Variants in UST observed in about 807,000 individuals in gnomAD.
UST encodes chondroitin sulfate 2-O-sulfotransferase.
In UST, 21 loss-of-function variants were observed where a neutral mutation model predicts 45.6. That is an observed-to-expected ratio of 0.46 (90% confidence interval 0.33 to 0.66). The LOEUF (loss-of-function observed/expected upper bound fraction) is 0.66. Ranked by LOEUF, UST falls within the 30% of genes least tolerant of loss-of-function variation. The probability of loss-of-function intolerance (pLI) is 0.02; values close to 1 mark genes in which losing one functional copy is unlikely to be tolerated. For synonymous variants in UST, 215 were observed against 200.6 expected (o/e 1.07, Z -0.61); for missense variants, 463 against 512.4 (o/e 0.90, Z 0.93).
At chr6:149,042,955 TTTTCTTTC>T (rs1158496318) in intron 7 of UST, among the ~76,000 whole-genome samples, 6,105 of 108,882 alleles carry the variant, frequency 0.056, 199 homozygotes, top group East Asian at 0.12. Context: ...ATCACCATCC[TTTTCTTTC>T]TTTCTTTCTT....
At chr6:148,892,781 G>C (rs1480826306) in intron 2 of UST, among the ~76,000 whole-genome samples, 2 of 151,846 alleles carry the variant, frequency 1.3e-5, no homozygotes, top group African/African-American at 4.8e-5. Context: ...AACCTTATTT[G>C]GGAATAATTG....
intron 7 of UST, among the ~76,000 whole-genome samples, chr6:149,063,106 C>A (rs192616595): frequency 6.6e-6 from 1 of 152,338 alleles, no homozygotes; most frequent in Admixed American, 6.5e-5. Context: ...CGTAACTACT[C>A]TGTAGTGTCC....
intron 1 of UST, among the ~76,000 whole-genome samples, chr6:148,875,794 A>G (rs1194556013): frequency 2.6e-5 from 4 of 152,214 alleles, no homozygotes; most frequent in African/African-American, 9.6e-5. Context: ...ACACAGCAAG[A>G]CTCCGCCTCA....
At chr6:149,027,045 T>A (rs996547815) in intron 7 of UST, among the ~76,000 whole-genome samples, 3 of 152,038 alleles carry the variant, frequency 2.0e-5, no homozygotes, top group Non-Finnish European at 2.9e-5. Flanking sequence ...TTATAAACAA[T>A]CACAGAGTAC....
chr6:148,759,017 G>A (rs1776151175), intron 1 of UST, among the ~76,000 whole-genome samples: 1 of 152,208 alleles, frequency 6.6e-6, no homozygotes, highest in Non-Finnish European at 1.5e-5. Flanking sequence ...TGTGCAGGGT[G>A]ACCCGACAAT....
In UST at chr6:148,766,997, A is replaced by G. The variant is rs541612681; in HGVS notation, c.247+19320A>G. Among the ~76,000 whole-genome samples, 4 of 152,354 alleles carry G rather than the reference A, an allele frequency of 2.6e-5. No homozygotes were observed. In the South Asian group the frequency reaches 6.2e-4, roughly 24 times the overall value. ...TCTCTCAAACTTTAATGTGCATGCA[A>G]ATCACTCGAGGATTTGTTAAGCTAT... On this transcript the variant is annotated intron_variant, in intron 1 of 7. Transcript: ENST00000367463.
chr6:148,902,815 T>C lies in UST; in HGVS notation c.291+15786T>C, dbSNP rs1377734250. On this transcript the variant is annotated intron_variant, in intron 2 of 7. Coordinates refer to ENST00000367463, the MANE Select transcript of UST (RefSeq NM_005715.3). ...TCTTTGTCTTTTTTGCTCTACTGTC[T>C]AGAAGAGTTTTGAAACTGTCTTCCA... 2.0e-5 allele frequency among the ~76,000 whole-genome samples: 3 copies of C among 152,178 alleles called. No individual in the cohort carries two copies. The East Asian group carries it at 5.8e-4, about 29-fold the overall frequency.
At chr6:148,933,126 C>A (rs191754882) in intron 2 of UST, among the ~76,000 whole-genome samples, 1 of 152,098 alleles carries the variant, frequency 6.6e-6, no homozygotes, top group African/African-American at 2.4e-5. Context: ...TCTTCTGTAA[C>A]GTAGCAAATC....
At chr6:149,005,155 A>C in intron 5 of UST, 1 of 252,984 alleles carries the variant, frequency 4.0e-6, no homozygotes, top group Non-Finnish European at 6.2e-6. Flanking sequence ...CCCAATATGT[A>C]AACCCAGGCG....
At chr6:148,914,393 AT>A (rs1779541794) in intron 2 of UST, among the ~76,000 whole-genome samples, 1 of 68,070 alleles carries the variant, frequency 1.5e-5, no homozygotes, top group African/African-American at 5.5e-5. Context: ...TTTTCCATAG[AT>A]TGGGGGGTGG....
intron 5 of UST, among the ~76,000 whole-genome samples, chr6:149,013,184 A>G (rs1034883060): frequency 6.6e-6 from 1 of 152,230 alleles, no homozygotes; most frequent in African/African-American, 2.4e-5. Context: ...AAAGCCTTGT[A>G]TTAACTCGTA....
chr6:149,010,255 T>G (rs2115012391), intron 5 of UST, among the ~76,000 whole-genome samples: 1 of 152,352 alleles, frequency 6.6e-6, no homozygotes, highest in African/African-American at 2.4e-5. Context: ...CCAGTTTGAC[T>G]CCATCAGGAT....
In UST at chr6:148,768,045, A is replaced by G. The variant is rs1776352757; in HGVS notation, c.247+20368A>G. Among the ~76,000 whole-genome samples the G allele has an allele frequency of 1.3e-5, 2 of 152,142 alleles. 1 individual carries two copies. ...TTCCTAGACTTGGAATTGCTGGTTA[A>G]ATGTATACCAATTTTTAAACTGATT... On this transcript the variant is annotated intron_variant, in intron 1 of 7. Coordinates refer to ENST00000367463, the MANE Select transcript of UST (RefSeq NM_005715.3).
rs45490997 is a variant in UST at position 148,747,642 on chromosome 6, C to T, written c.212C>T (p.Pro71Leu). The T allele has an allele frequency of 0.011, 17,971 of 1,598,924 alleles. 135 individuals are homozygous for T. Among genetic ancestry groups the T allele is most frequent in the Non-Finnish European group, 0.013 (15,255 of 1,174,260 alleles). ...GSLLYQLSGGPPRFLLDLRQY... is the reference protein window; with the variant it reads ...GSLLYQLSGGLPRFLLDLRQY... ...CTCCTCTATCAGCTCAGCGGGGGAC[C>T]CCCTCGCTTCCTGCTCGACCTGCGG... Residue 71 changes from proline to leucine, a missense_variant, in exon 1 of 8, where the codon CCC becomes CTC. Coordinates refer to ENST00000367463, the MANE Select transcript of UST (RefSeq NM_005715.3).
chr6:148,907,329 A>G (rs2114872900), intron 2 of UST, among the ~76,000 whole-genome samples: 1 of 152,358 alleles, frequency 6.6e-6, no homozygotes, highest in Middle Eastern at 3.4e-3. Context: ...ACTGAATTAT[A>G]TCCTACAAGG....
chr6:149,017,755 T>G (rs1024055032), intron 5 of UST, among the ~76,000 whole-genome samples: 5 of 151,846 alleles, frequency 3.3e-5, no homozygotes, highest in Admixed American at 3.3e-4. Context: ...CTGCCATATT[T>G]TGTTGTAATA....
At chr6:149,027,292 A>T (rs1172776918) in intron 7 of UST, among the ~76,000 whole-genome samples, 2 of 152,238 alleles carry the variant, frequency 1.3e-5, no homozygotes, top group African/African-American at 4.8e-5. Context: ...ATACTAAATA[A>T]TAAAAGCTTG....
At chr6:148,999,363 A>C (rs1464838690) in intron 5 of UST, among the ~76,000 whole-genome samples, 2 of 152,242 alleles carry the variant, frequency 1.3e-5, no homozygotes. Context: ...TAGAACACCT[A>C]TCTGGCACTG....
chr6:148,808,134 G>A (rs1350515224), intron 1 of UST, among the ~76,000 whole-genome samples: 1 of 152,150 alleles, frequency 6.6e-6, no homozygotes, highest in African/African-American at 2.4e-5. Context: ...GGCATTCTAA[G>A]GTGGAGAGGA....
Sources: gnomAD v4.1 joint callset for allele counts (sites outside exome capture counted in the v4.1 genomes callset) on GRCh38, gnomAD v4.1.1 for gene constraint, MANE v1.5 for transcripts, NCBI Gene and HGNC (gene_info 2026-07-23, HGNC 2026-07-21) for gene names.